The following SGCZ variants were observed in gnomAD, a reference collection of about 807,000 sequenced individuals.
The protein encoded by SGCZ is zeta-sarcoglycan.
In SGCZ, 40 loss-of-function variants were observed where a neutral mutation model predicts 41.3. The observed-to-expected ratio is 0.97, with a 90% confidence interval of 0.75 to 1.26. The LOEUF (loss-of-function observed/expected upper bound fraction) is 1.26. SGCZ is among the 50% of genes most tolerant of loss of function. The pLI is 0.00. For synonymous variants in SGCZ, 206 were observed against 137.5 expected (o/e 1.50, Z -3.49); for missense variants, 552 against 369.8 (o/e 1.49, Z -4.04).
At chr8:14,981,678 G>T (rs918251166) in intron 1 of SGCZ, among the ~76,000 whole-genome samples, 1 of 152,156 alleles carries the variant, frequency 6.6e-6, no homozygotes, top group African/African-American at 2.4e-5. Flanking sequence ...CAATGTACAT[G>T]ATTCTATGAA....
chr8:14,305,602 G>T (rs1381121968), intron 3 of SGCZ, among the ~76,000 whole-genome samples: 1 of 152,158 alleles, frequency 6.6e-6, no homozygotes, highest in East Asian at 1.9e-4. Context: ...CAGTCTGTCA[G>T]AGAGAGTGTT....
At chr8:14,692,003 T>G (rs933447467) in intron 1 of SGCZ, among the ~76,000 whole-genome samples, 1 of 151,996 alleles carries the variant, frequency 6.6e-6, no homozygotes, top group African/African-American at 2.4e-5. Context: ...TCACTTATAA[T>G]TTGATCAATT....
intron 1 of SGCZ, among the ~76,000 whole-genome samples, chr8:14,887,201 T>C (rs1378770794): frequency 6.6e-6 from 1 of 152,182 alleles, no homozygotes; most frequent in Non-Finnish European, 1.5e-5. Flanking sequence ...ATATAAATTT[T>C]AGGGTCCTCA....
At position 14,279,168 on chromosome 8, in the gene SGCZ, T is replaced by G. The variant is rs28482834; in HGVS notation, c.337-41489A>C. ...ATGTGCCAGCACTTTATTAAGAAGC[T>G]CAATAGGTCCCTGAGGAGCAAGGGG... On this transcript the variant is annotated intron_variant, in intron 3 of 7. Transcript: ENST00000382080. Among the ~76,000 whole-genome samples the G allele has an allele frequency of 9.6e-3, 1,454 of 152,042 alleles. 30 individuals are homozygous for G. The highest frequency in any genetic ancestry group is 0.033 in the African/African-American group (1,387 of 41,482).
chr8:14,594,646 G>A (rs1252091716), intron 1 of SGCZ, among the ~76,000 whole-genome samples: 4 of 151,746 alleles, frequency 2.6e-5, no homozygotes, highest in Non-Finnish European at 5.9e-5. Context: ...ATTTATTTGC[G>A]ACTTTTCAGG....
At chr8:14,646,054 T>G (rs1807203842) in intron 1 of SGCZ, among the ~76,000 whole-genome samples, 1 of 151,854 alleles carries the variant, frequency 6.6e-6, no homozygotes, top group Non-Finnish European at 1.5e-5. Context: ...TTATTTTTAT[T>G]TTTGAATTTT....
rs1183716228 is a variant in SGCZ, at chr8:14,354,105, G to A, written c.235-29901C>T. Among the ~76,000 whole-genome samples the A allele has an allele frequency of 2.6e-5, 4 of 152,058 alleles. No homozygotes were observed. The East Asian group carries it at 5.8e-4, about 22-fold the overall frequency. ...TATCTTTGTTTTTCGGGAAAGGAGT[G>A]TTCTACATCTGCTTATAAAAGTGCG... is the stretch of plus-strand genomic sequence containing the variant. On this transcript the variant is annotated intron_variant, in intron 2 of 7. Transcript: ENST00000382080.
chr8:14,462,988 G>A (rs563787543), intron 2 of SGCZ, among the ~76,000 whole-genome samples: 15 of 151,364 alleles, frequency 9.9e-5, no homozygotes, highest in Non-Finnish European at 2.1e-4. Flanking sequence ...TTTTCAAATG[G>A]TTTATTTTTA....
intron 4 of SGCZ, among the ~76,000 whole-genome samples, chr8:14,214,931 A>G (rs948770788): frequency 6.6e-6 from 1 of 152,204 alleles, no homozygotes; most frequent in Non-Finnish European, 1.5e-5. Flanking sequence ...GGATACTTCA[A>G]TACCACACTT....
chr8:14,528,831 A>AAAC (rs201997315), intron 2 of SGCZ, among the ~76,000 whole-genome samples: 53 of 86,400 alleles, frequency 6.1e-4, no homozygotes, highest in African/African-American at 2.4e-3. Context: ...ACCAGCCAAA[A>AAAC]AAAAAACAAA....
intron 1 of SGCZ, among the ~76,000 whole-genome samples, chr8:15,023,130 G>C (rs979328769): frequency 2.6e-5 from 4 of 152,138 alleles, no homozygotes; most frequent in African/African-American, 9.7e-5. Flanking sequence ...TCTACTCTAT[G>C]AGCTGGAAAA....
chr8:14,866,794 A>C (rs1803948251), intron 1 of SGCZ, among the ~76,000 whole-genome samples: 2 of 152,238 alleles, frequency 1.3e-5, no homozygotes, highest in South Asian at 4.1e-4. Context: ...ACCCTGTCTC[A>C]AAAAGAAACT....
chr8:14,965,764 C>T (rs537866053), intron 1 of SGCZ, among the ~76,000 whole-genome samples: 4 of 151,930 alleles, frequency 2.6e-5, no homozygotes, highest in Non-Finnish European at 5.9e-5. Context: ...TAATATTTTA[C>T]TTATAAACAG....
At chr8:14,729,544 T>C (rs951626563) in intron 1 of SGCZ, among the ~76,000 whole-genome samples, 2 of 152,166 alleles carry the variant, frequency 1.3e-5, no homozygotes, top group Non-Finnish European at 2.9e-5. Context: ...ATAGGCCATG[T>C]GAGGACACAG....
In SGCZ at chr8:15,186,675, C is replaced by T. The variant is rs138114371; in HGVS notation, c.39+50910G>A. ...ACTTCACAAAGTTGCAGAAGGTGAGCAATCAATAAGTATTTATTGAGTGCA... is the reference window on the plus strand; with the variant it reads ...ACTTCACAAAGTTGCAGAAGGTGAGTAATCAATAAGTATTTATTGAGTGCA... On this transcript the variant is annotated intron_variant, in intron 1 of 7. Coordinates refer to ENST00000382080, the MANE Select transcript of SGCZ (RefSeq NM_139167.4). Among the ~76,000 whole-genome samples, 630 of 152,206 alleles carry T rather than the reference C, an allele frequency of 4.1e-3. 3 individuals are homozygous for T. The highest frequency in any genetic ancestry group is 0.01 in the Middle Eastern group (3 of 294).
intron 1 of SGCZ, among the ~76,000 whole-genome samples, chr8:15,170,216 G>C (rs1799787067): frequency 6.6e-6 from 1 of 152,140 alleles, no homozygotes; most frequent in Non-Finnish European, 1.5e-5. Context: ...GCCTGCCTGA[G>C]ATCTAAAGTT....
At chr8:14,782,353 C>A (rs1050939885) in intron 1 of SGCZ, among the ~76,000 whole-genome samples, 2 of 152,132 alleles carry the variant, frequency 1.3e-5, no homozygotes, top group African/African-American at 4.8e-5. Flanking sequence ...TCCCCAGGAA[C>A]CTGCTGAATC....
intron 1 of SGCZ, among the ~76,000 whole-genome samples, chr8:15,004,820 A>C (rs1585462006): frequency 6.6e-6 from 1 of 152,206 alleles, no homozygotes; most frequent in East Asian, 1.9e-4. Flanking sequence ...TTTCTGACTC[A>C]ACACTAGGTG....
intron 1 of SGCZ, among the ~76,000 whole-genome samples, chr8:15,186,206 G>A (rs963246858): frequency 2.8e-5 from 4 of 142,472 alleles, no homozygotes; most frequent in African/African-American, 1.1e-4. Context: ...AGCTTGCAGT[G>A]AGCAGAGATC....
Sources: gnomAD v4.1 joint callset for allele counts (sites outside exome capture counted in the v4.1 genomes callset) on GRCh38, gnomAD v4.1.1 for gene constraint, MANE v1.5 for transcripts, NCBI Gene and HGNC (gene_info 2026-07-23, HGNC 2026-07-21) for gene names.